Variants in MARCHF1 observed in about 807,000 individuals in gnomAD.
The protein encoded by MARCHF1 is E3 ubiquitin-protein ligase MARCHF1.
In MARCHF1, 40 loss-of-function variants were observed where a neutral mutation model predicts 54.2. The ratio of observed to expected loss-of-function variants is 0.74; its 90% CI spans 0.57 to 0.96. The LOEUF (loss-of-function observed/expected upper bound fraction) is 0.96, where lower values mean the gene tolerates loss of function less well. MARCHF1 is among the 40% of genes least tolerant of loss of function. The pLI is 0.00. For synonymous variants in MARCHF1, 236 were observed against 236.3 expected, an observed-to-expected ratio of 1.00 and a Z score of 0.01; for missense variants, 586 against 656.5, an observed-to-expected ratio of 0.89 and a Z score of 1.17.
chr4:163,623,543 A>G, intron 5 of MARCHF1, among the ~76,000 whole-genome samples: 1 of 152,182 alleles, frequency 6.6e-6, no homozygotes, highest in East Asian at 1.9e-4. Flanking sequence ...GGACGGCGTT[A>G]ACACCTCTAG....
chr4:164,360,233 A>T (rs1730685907), intron 1 of MARCHF1, among the ~76,000 whole-genome samples: 1 of 152,086 alleles, frequency 6.6e-6, no homozygotes, highest in Non-Finnish European at 1.5e-5. Flanking sequence ...AGAAAAAAAA[A>T]TCCAGATTTT....
At chr4:164,127,331 A>C (rs565341102) in intron 1 of MARCHF1, among the ~76,000 whole-genome samples, 1 of 152,212 alleles carries the variant, frequency 6.6e-6, no homozygotes, top group Non-Finnish European at 1.5e-5. Context: ...GTTTTTTATT[A>C]AAAGAGAAGA....
intron 5 of MARCHF1, among the ~76,000 whole-genome samples, chr4:163,633,009 T>A (rs1742164530): frequency 6.6e-6 from 1 of 151,974 alleles, no homozygotes; most frequent in Non-Finnish European, 1.5e-5. Context: ...CACTGCAGGG[T>A]ACTCCAACAG....
intron 1 of MARCHF1, among the ~76,000 whole-genome samples, chr4:164,325,333 T>TTATATATA (rs58385154): frequency 0.023 from 3,233 of 138,414 alleles, 143 homozygotes; most frequent in Admixed American, 0.11. Flanking sequence ...TAGACAGAAA[T>TTATATATA]TATATATATA....
intron 1 of MARCHF1, among the ~76,000 whole-genome samples, chr4:164,274,506 T>C (rs1236335752): frequency 6.6e-6 from 1 of 152,000 alleles, no homozygotes; most frequent in Non-Finnish European, 1.5e-5. Flanking sequence ...TGGAAAGTTA[T>C]TATATTTTAG....
intron 1 of MARCHF1, among the ~76,000 whole-genome samples, chr4:164,130,991 T>C (rs1358097931): frequency 6.6e-6 from 1 of 152,154 alleles, no homozygotes. Flanking sequence ...TTTTGTAAAA[T>C]AACCTGACTC....
At chr4:164,188,701 G>T in intron 1 of MARCHF1, 1 of 1,077,364 alleles carries the variant, frequency 9.3e-7, no homozygotes, top group East Asian at 2.4e-5. Context: ...ACCTGTCTAT[G>T]CAGCAGGACA....
intron 7 of MARCHF1, among the ~76,000 whole-genome samples, chr4:163,589,213 C>G (rs1287228833): frequency 6.6e-6 from 1 of 152,010 alleles, no homozygotes; most frequent in Non-Finnish European, 1.5e-5. Context: ...TATTCATAAA[C>G]TGCTTTAAAC....
intron 4 of MARCHF1, among the ~76,000 whole-genome samples, chr4:163,715,268 C>T (rs548517568): frequency 2.6e-5 from 4 of 152,188 alleles, no homozygotes; most frequent in African/African-American, 4.8e-5. Flanking sequence ...TATTTTGAGA[C>T]GGAGTCTCGC....
At chr4:163,920,151 G>T (rs1235094140) in intron 3 of MARCHF1, among the ~76,000 whole-genome samples, 1 of 152,174 alleles carries the variant, frequency 6.6e-6, no homozygotes, top group African/African-American at 2.4e-5. Flanking sequence ...GAAGCACTTA[G>T]TGGCTTCCTG....
At chr4:164,175,622 T>C (rs901250722) in intron 1 of MARCHF1, among the ~76,000 whole-genome samples, 1 of 152,206 alleles carries the variant, frequency 6.6e-6, no homozygotes, top group African/African-American at 2.4e-5. Flanking sequence ...GATTACCCTC[T>C]GTAATGTAAG....
At chr4:163,971,549 A>C (rs752653569) in intron 3 of MARCHF1, among the ~76,000 whole-genome samples, 5 of 152,212 alleles carry the variant, frequency 3.3e-5, no homozygotes, top group Non-Finnish European at 5.9e-5. Flanking sequence ...GGAAAGACTA[A>C]GGTGGGAATG....
chr4:164,330,826 G>A (rs918121072), intron 1 of MARCHF1, among the ~76,000 whole-genome samples: 3 of 152,252 alleles, frequency 2.0e-5, no homozygotes, highest in South Asian at 2.1e-4. Flanking sequence ...TTTTTGAAAC[G>A]AAGCTGTTAA....
chr4:164,176,696 A>AT (rs576133998), intron 1 of MARCHF1, among the ~76,000 whole-genome samples: 269 of 151,278 alleles, frequency 1.8e-3, no homozygotes, highest in Non-Finnish European at 3.4e-3. Flanking sequence ...TGCTAATTTT[A>AT]TTTTTTTTCA....
rs189512972 is a variant in MARCHF1, at chr4:164,374,341, A to G, written c.-323+9529T>C. Among the ~76,000 whole-genome samples, 368 of 152,252 alleles carry G rather than the reference A, an allele frequency of 2.4e-3. 2 individuals carry two copies. Among genetic ancestry groups the G allele is most frequent in the African/African-American group, 8.1e-3 (335 of 41,570 alleles). On this transcript the variant is annotated intron_variant, in intron 1 of 9. Transcript: ENST00000514618. Reference sequence around the variant, plus strand: ...ATAATAATTCAGTCTTATTATTACTAAAAGTATTTGGGAAATTTAAAAAGT... The same window carrying G: ...ATAATAATTCAGTCTTATTATTACTGAAAGTATTTGGGAAATTTAAAAAGT...
chr4:164,132,689 C>T (rs564735318), intron 1 of MARCHF1, among the ~76,000 whole-genome samples: 6 of 152,106 alleles, frequency 3.9e-5, no homozygotes, highest in Admixed American at 3.9e-4. Context: ...TTACTGATGA[C>T]ACTTACCTGA....
intron 1 of MARCHF1, among the ~76,000 whole-genome samples, chr4:164,257,336 T>G (rs959887080): frequency 2.0e-5 from 3 of 152,076 alleles, no homozygotes; most frequent in African/African-American, 7.2e-5. Flanking sequence ...TTGTTTCTCT[T>G]ATGAATACAA....
chr4:163,857,020 A>AAATAAATAAATG (rs1749785569), intron 3 of MARCHF1, among the ~76,000 whole-genome samples: 1 of 142,928 alleles, frequency 7.0e-6, no homozygotes, highest in Non-Finnish European at 1.5e-5. Context: ...CTCGAAAAAT[A>AAATAAATAAATG]AATAAATAAA....
intron 1 of MARCHF1, among the ~76,000 whole-genome samples, chr4:164,151,140 C>A (rs1594442): frequency 9.8e-6 from 1 of 101,924 alleles, no homozygotes. Context: ...CCACTTTGGG[C>A]TCCAGAACTC....
Sources: allele counts gnomAD v4.1 joint callset (sites outside exome capture counted in the v4.1 genomes callset), GRCh38; gene constraint gnomAD v4.1.1; transcripts MANE v1.5; gene names NCBI Gene and HGNC (gene_info 2026-07-23, HGNC 2026-07-21).